ITGAE: variants seen among roughly 807,000 people sequenced by gnomAD.
ITGAE encodes the protein integrin alpha-E.
ITGAE carries 99 observed loss-of-function variants against 136.5 expected under a neutral mutation model. That is an observed-to-expected ratio of 0.73 (90% CI 0.62 to 0.86). The LOEUF is 0.86. ITGAE is among the 40% of genes least tolerant of loss of function. The pLI is 0.00. For missense variants in ITGAE, 1,447 were observed against 1,515.3 expected, an observed-to-expected ratio of 0.95 and a Z score of 0.75; for synonymous variants, 613 against 591.8, an observed-to-expected ratio of 1.04 and a Z score of -0.52.
intron 2 of ITGAE, among the ~76,000 whole-genome samples, chr17:3,769,308 C>T (rs1200785655): frequency 6.6e-6 from 1 of 152,174 alleles, no homozygotes; most frequent in Non-Finnish European, 1.5e-5. Context: ...CCCTCCAGGC[C>T]CTGCAGCAGC....
In ITGAE at chr17:3,798,073, C is replaced by G. The variant is rs1228587715; in HGVS notation, c.34+3038G>C. Among the ~76,000 whole-genome samples, 1 of 152,208 alleles carries G rather than the reference C, an allele frequency of 6.6e-6. No individual in the cohort carries two copies. Among genetic ancestry groups the G allele is most frequent in the African/African-American group, 2.4e-5 (1 of 41,430 alleles). On this transcript the variant is annotated intron_variant, in intron 1 of 30. Transcript: ENST00000263087. This position sits in a 1 kb window ranked among gnomAD's most constrained non-coding sequence, Gnocchi z 4.3. ...CTCCACTTATACCACACCTGCCACA[C>G]GAATGCAGGCCTCCCAGAGAAGGGC...
chr17:3,725,395 G>A, intron 26 of ITGAE: 1 of 1,614,234 alleles, frequency 6.2e-7, no homozygotes. Context: ...CTGCAACGCT[G>A]TGAGAAGATT....
Position 3,751,764 on chromosome 17 carries a change from T to C in ITGAE, c.1779A>G (p.Thr593=). The C allele has an allele frequency of 1.2e-6, 2 of 1,614,098 alleles. No individual in the cohort carries two copies. Among genetic ancestry groups the C allele is most frequent in the East Asian group, 2.2e-5 (1 of 44,878 alleles). Residue 593 remains threonine, a synonymous_variant, in exon 15 of 31, where the codon ACA becomes ACG. Transcript: ENST00000263087. ...CCAGGGGGGCCCCGATGGCCACATCTGTGAGCTTATCCTGACTGAGATCCC... is the reference window on the plus strand; with the variant it reads ...CCAGGGGGGCCCCGATGGCCACATCCGTGAGCTTATCCTGACTGAGATCCC... ...AMGDLSQDKL[T]DVAIGAPLEG... is the part of the protein sequence containing the mutation.
chr17:3,724,232 G>T lies in ITGAE; in HGVS notation c.3085-488C>A, dbSNP rs375124447. 2.8e-5 allele frequency: 45 copies of T among 1,593,526 alleles called. No homozygotes were observed. Among genetic ancestry groups the T allele is most frequent in the Non-Finnish European group, 3.8e-5 (45 of 1,177,446 alleles). The stretch of plus-strand genomic sequence containing the variant: ...GGCCCAGCCTGACCGTGACCCCAAA[G>T]CGCTGGAAGCTGCGAGCTCGCCCAA... On this transcript the variant is annotated intron_variant, in intron 26 of 30. Transcript: ENST00000263087.
intron 3 of ITGAE, among the ~76,000 whole-genome samples, chr17:3,763,040 GCAC>G (rs1380159146): frequency 6.6e-6 from 1 of 152,072 alleles, no homozygotes; most frequent in Non-Finnish European, 1.5e-5. Flanking sequence ...TTGTAGGCAT[GCAC>G]CACCACGCCT....
intron 28 of ITGAE, among the ~76,000 whole-genome samples, chr17:3,722,999 G>T (rs939419265): frequency 6.6e-6 from 1 of 152,218 alleles, no homozygotes; most frequent in Admixed American, 6.5e-5. Flanking sequence ...AAGTGAATGG[G>T]TTTAGGATAT....
At chr17:3,756,151 T>G (rs1167993599) in intron 10 of ITGAE, among the ~76,000 whole-genome samples, 1 of 151,418 alleles carries the variant, frequency 6.6e-6, no homozygotes, top group Non-Finnish European at 1.5e-5. Context: ...TCCTTGTTTC[T>G]CCAGCACCAG....
rs1423203880 is a variant in ITGAE at position 3,763,862 on chromosome 17, G to A, written c.247+7C>T. The A allele has an allele frequency of 1.2e-6, 2 of 1,611,280 alleles. No homozygotes were observed. Among genetic ancestry groups the A allele is most frequent in the Admixed American group, 1.7e-5 (1 of 59,990 alleles). On this transcript the variant is annotated splice_region_variant and intron_variant, in intron 3 of 30. Coordinates refer to ENST00000263087, the MANE Select transcript of ITGAE (RefSeq NM_002208.5). ...GGGAGCATTCCCTGGAGTTGGGGCT[G>A]ACTTACCTACAGGATGGCAAAGGAT... is the stretch of plus-strand genomic sequence containing the variant.
chr17:3,723,176 A>G, intron 28 of ITGAE, 112 bp downstream of exon 28: 1 of 788,396 alleles, frequency 1.3e-6, no homozygotes, highest in Non-Finnish European at 2.2e-6. Context: ...TTTTGCACCA[A>G]AAGATCTATT....
chr17:3,801,070 G>T (rs768700833), intron 1 of ITGAE, 41 bp downstream of exon 1: 1 of 1,610,474 alleles, frequency 6.2e-7, no homozygotes, highest in African/African-American at 1.3e-5. Flanking sequence ...CTGGAGCTGA[G>T]GGCACAGCAG....
In ITGAE at chr17:3,750,405, G is replaced by A. The variant is rs764313473; in HGVS notation, c.1971C>T (p.Gly657=). The change falls in exon 16 of 31, where the codon GGC becomes GGT. Residue 657 remains glycine, a synonymous_variant. Transcript: ENST00000263087. ...CCACGGTGATGTCGGCAAGGCCGTC[G>A]CCACTAATATCAAAGCCACCAGCCA... ...MSMAGGFDIS[G]DGLADITVGT... 1.2e-5 allele frequency: 19 copies of A among 1,614,042 alleles called. No homozygotes were observed. Among genetic ancestry groups the A allele is most frequent in the South Asian group, 3.3e-5 (3 of 91,092 alleles).
intron 19 of ITGAE, among the ~76,000 whole-genome samples, chr17:3,740,199 A>G (rs531365027): frequency 6.6e-6 from 1 of 152,326 alleles, no homozygotes; most frequent in South Asian, 2.1e-4. Context: ...CAGCAGCAAC[A>G]CACAGCTCAC....
chr17:3,768,503 G>A (rs78313097), intron 2 of ITGAE, among the ~76,000 whole-genome samples: 5,012 of 152,174 alleles, frequency 0.033, 112 homozygotes, highest in Non-Finnish European at 0.046. Context: ...CCAGTTCCTG[G>A]GTGACCAGCG....
chr17:3,730,454 A>AAAAAAAAAATAAAAAAATAAAT (rs147927266), intron 23 of ITGAE: 1 of 147,498 alleles, frequency 6.8e-6, no homozygotes, highest in Non-Finnish European at 1.5e-5. Context: ...TCTGTCTCAA[A>AAAAAAAAAATAAAAAAATAAAT]AAATAAATAA....
intron 4 of ITGAE, 113 bp downstream of exon 4, chr17:3,761,802 G>T: frequency 1.0e-6 from 1 of 952,542 alleles, no homozygotes. Context: ...GGAGACGCTA[G>T]ACTCAGCCTC....
chr17:3,800,987 A>G, intron 1 of ITGAE, 124 bp downstream of exon 1: 1 of 1,134,444 alleles, frequency 8.8e-7, no homozygotes, highest in Non-Finnish European at 1.3e-6. Flanking sequence ...AGGAGCTGCC[A>G]CTCTCTAACC....
intron 23 of ITGAE, 21 bp downstream of exon 23, chr17:3,731,083 T>C (rs776161478): frequency 1.3e-5 from 21 of 1,599,510 alleles, no homozygotes; most frequent in Non-Finnish European, 1.8e-5. Flanking sequence ...CTGACTCTGC[T>C]GTGACCCAGG....
At chr17:3,758,387 A>G (rs1391615971) in intron 8 of ITGAE, among the ~76,000 whole-genome samples, 1 of 151,834 alleles carries the variant, frequency 6.6e-6, no homozygotes, top group East Asian at 1.9e-4. Flanking sequence ...CTGGAACTAT[A>G]GGCACAAGCC....
At chr17:3,729,748 C>T (rs2051298616) in intron 23 of ITGAE, 193 bp from the exon 24 acceptor site, 1 of 512,736 alleles carries the variant, frequency 2.0e-6, no homozygotes, top group African/African-American at 1.9e-5. Flanking sequence ...GCGTGAGCCA[C>T]CATACCCAGT....
Sources: allele counts gnomAD v4.1 joint callset (sites outside exome capture counted in the v4.1 genomes callset), GRCh38; gene constraint gnomAD v4.1.1; non-coding constraint Gnocchi (gnomAD v3.1); transcripts MANE v1.5; gene names NCBI Gene and HGNC (gene_info 2026-07-23, HGNC 2026-07-21).